POTEF: variants seen among roughly 807,000 people sequenced by gnomAD.
POTEF encodes the protein ANKRD26-like family C member 1B.
Under a neutral mutation model 83.2 loss-of-function variants are expected in POTEF, and 20 were observed. That is an observed-to-expected ratio of 0.24 (90% CI 0.17 to 0.35). POTEF has a LOEUF of 0.35. POTEF is among the 10% of genes least tolerant of loss of function. The pLI is 1.00. For missense variants in POTEF, 550 were observed against 1,203.2 expected (o/e 0.46, Z 8.03); for synonymous variants, 196 against 446.4 (o/e 0.44, Z 7.07).
At position 130,075,404 on chromosome 2, in the gene POTEF, G is replaced by A; in HGVS notation, c.2068C>T (p.Leu690Phe). The change falls in exon 17 of 17, where the codon CTT (leucine) becomes TTT (phenylalanine). Residue 690 changes from leucine (L) to phenylalanine (F), a missense_variant. Coordinates refer to ENST00000409914, the MANE Select transcript of POTEF (RefSeq NM_001099771.2). ...TCATTCAATTGTAGAGCCTTTAAAA[G>A]ATTATCATTCCTTTTTTTCACACTT... ...IESVKKRNDN[L>F]LKALQLNELT... The A allele has an allele frequency of 1.2e-6, 2 of 1,611,640 alleles. No individual in the cohort carries two copies. The highest frequency in any genetic ancestry group is 1.7e-6 in the Non-Finnish European group (2 of 1,179,724).
Position 130,109,124 on chromosome 2 carries a change from G to T in POTEF, c.1056-1045C>A, listed in dbSNP as rs192405141. On this transcript the variant is annotated intron_variant, in intron 7 of 16. Coordinates refer to ENST00000409914, the MANE Select transcript of POTEF (RefSeq NM_001099771.2). ...CAAATCACAATTTCAATATTTGGGTGGCACCCATTTTGCTTTGATTCACAC... is the reference window on the plus strand; with the variant it reads ...CAAATCACAATTTCAATATTTGGGTTGCACCCATTTTGCTTTGATTCACAC... The T allele has an allele frequency of 1.1e-4, 17 of 151,168 alleles. 1 individual carries two copies. The highest frequency in any genetic ancestry group is 3.9e-4 in the African/African-American group (16 of 40,682). 9.4% of individuals were successfully genotyped at this position (151,168 alleles called of 1,614,324 possible).
intron 15 of POTEF, among the ~76,000 whole-genome samples, chr2:130,077,418 G>A (rs1164857484): frequency 2.0e-5 from 3 of 152,232 alleles, no homozygotes; most frequent in African/African-American, 7.2e-5. Context: ...ACCTGAGGTG[G>A]GGGATGGTTC....
chr2:130,113,785 T>A (rs1343123704), intron 5 of POTEF, among the ~76,000 whole-genome samples: 1 of 151,536 alleles, frequency 6.6e-6, no homozygotes, highest in Non-Finnish European at 1.5e-5. Context: ...GATGCACAAT[T>A]CTAGCTGAAA....
intron 1 of POTEF, among the ~76,000 whole-genome samples, chr2:130,128,151 C>T (rs1232131289): frequency 6.7e-6 from 1 of 148,232 alleles, no homozygotes; most frequent in African/African-American, 2.6e-5. Flanking sequence ...CACTCAACTG[C>T]TGGTTCCCAT....
At chr2:130,077,439 C>T (rs1272001101) in intron 15 of POTEF, among the ~76,000 whole-genome samples, 2 of 152,170 alleles carry the variant, frequency 1.3e-5, no homozygotes, top group African/African-American at 4.8e-5. Context: ...CAGGATGATT[C>T]AAGTATATTA....
chr2:130,117,126 G>C (rs146524702), intron 3 of POTEF, among the ~76,000 whole-genome samples: 1 of 151,594 alleles, frequency 6.6e-6, no homozygotes, highest in African/African-American at 2.4e-5. Context: ...ACTTACATTT[G>C]CTATTTTAAT....
Position 130,112,943 on chromosome 2 carries a change from A to G in POTEF, c.811-842T>C, listed in dbSNP as rs1368110798. On this transcript the variant is annotated intron_variant, in intron 5 of 16. Transcript: ENST00000409914. ...CAAAATCCTGAGAGGGCCATCCTCT[A>G]CTTATTGAAAGACTACTCACAGCAA... Among the ~76,000 whole-genome samples, 3 of 152,032 alleles carry G rather than the reference A, an allele frequency of 2.0e-5. 1 individual carries two copies. Among genetic ancestry groups the G allele is most frequent in the African/African-American group, 7.3e-5 (3 of 41,250 alleles).
chr2:130,114,587 G>A (rs1471196833), intron 5 of POTEF, among the ~76,000 whole-genome samples: 1 of 145,286 alleles, frequency 6.9e-6, no homozygotes, highest in Non-Finnish European at 1.5e-5. Flanking sequence ...ATTCAATAGG[G>A]AAAAAACATC....
chr2:130,109,905 A>T lies in POTEF; in HGVS notation c.1055+638T>A, dbSNP rs1380981238. Reference sequence around the variant, plus strand: ...CTCTGGGAACAATGGCTGAGCATATAAGCATAGGTATGGGAATTAAAAAAC... The same window carrying T: ...CTCTGGGAACAATGGCTGAGCATATTAGCATAGGTATGGGAATTAAAAAAC... On this transcript the variant is annotated intron_variant, in intron 7 of 16. Coordinates refer to ENST00000409914, the MANE Select transcript of POTEF (RefSeq NM_001099771.2). Among the ~76,000 whole-genome samples, 3 of 151,322 alleles carry T rather than the reference A, an allele frequency of 2.0e-5. 1 individual carries two copies. The highest frequency in any genetic ancestry group is 7.4e-5 in the African/African-American group (3 of 40,738).
In POTEF at chr2:130,120,166, A is replaced by C. The variant is rs769123910; in HGVS notation, c.350T>G (p.Val117Gly). ...PCCRGSSKSK[V>G]GAWGDYDDSA... ...GTCATCGTAGTCTCCCCAAGCGCCCACCTTGCTCTTGCTGCTCCCCCTGCA... is the reference window on the plus strand; with the variant it reads ...GTCATCGTAGTCTCCCCAAGCGCCCCCCTTGCTCTTGCTGCTCCCCCTGCA... The change falls in exon 3 of 17, where the codon GTG (valine) becomes GGG (glycine). Residue 117 changes from valine to glycine, a missense_variant. Physicochemically the swap from Val to Gly is moderately radical, Grantham distance 109. Transcript: ENST00000409914. 1 of 1,608,980 alleles carries C rather than the reference A, an allele frequency of 6.2e-7. No individual in the cohort carries two copies. Among genetic ancestry groups the C allele is most frequent in the Admixed American group, 1.7e-5 (1 of 59,562 alleles).
At chr2:130,116,250 G>A (rs1161227704) in intron 3 of POTEF, among the ~76,000 whole-genome samples, 1 of 151,180 alleles carries the variant, frequency 6.6e-6, no homozygotes, top group Non-Finnish European at 1.5e-5. Flanking sequence ...TACAATGTAT[G>A]TACATCAGAT....
chr2:130,100,969 C>A (rs1573602660), intron 9 of POTEF, among the ~76,000 whole-genome samples: 3 of 148,888 alleles, frequency 2.0e-5, no homozygotes, highest in East Asian at 3.9e-4. Context: ...AAATAATTCA[C>A]CTTAGCCCAA....
At chr2:130,098,360 C>A (rs1237626417) in intron 11 of POTEF, among the ~76,000 whole-genome samples, 3 of 149,334 alleles carry the variant, frequency 2.0e-5, no homozygotes, top group African/African-American at 7.5e-5. Context: ...AATACAGATC[C>A]CCATGTACAA....
intron 3 of POTEF, among the ~76,000 whole-genome samples, chr2:130,115,585 T>C (rs1349282292): frequency 2.6e-5 from 4 of 152,154 alleles, no homozygotes; most frequent in Admixed American, 2.6e-4. Flanking sequence ...CTTGAAGCTC[T>C]GTCACTTCCT....
intron 6 of POTEF, among the ~76,000 whole-genome samples, chr2:130,111,550 T>G (rs1216865681): frequency 6.6e-6 from 1 of 151,688 alleles, no homozygotes; most frequent in Non-Finnish European, 1.5e-5. Context: ...AGAAAGCAAC[T>G]TAAAGCAAAG....
At chr2:130,103,261 C>A (rs767375777) in intron 8 of POTEF, among the ~76,000 whole-genome samples, 18 of 149,936 alleles carry the variant, frequency 1.2e-4, no homozygotes, top group Non-Finnish European at 1.6e-4. Context: ...TACCATCATG[C>A]CCAGCTAATT....
chr2:130,103,775 G>A (rs1460600051), intron 8 of POTEF, among the ~76,000 whole-genome samples: 1 of 144,380 alleles, frequency 6.9e-6, no homozygotes, highest in Non-Finnish European at 1.5e-5. Context: ...GGGGTAGAGG[G>A]CAGGAAAGGG....
chr2:130,112,989 C>T (rs3990527), intron 5 of POTEF, among the ~76,000 whole-genome samples: 9 of 151,792 alleles, frequency 5.9e-5, no homozygotes, highest in East Asian at 1.9e-4. Context: ...ACCTTCTGAA[C>T]GGCAGTGAAT....
rs769359812 is a variant in POTEF, at chr2:130,075,555, C to T, written c.1917G>A (p.Lys639=). The part of the protein sequence containing the change: ...KMNSELSLSC[K]KEKDILHENS... ...TTTCATGCAAGATGTCTTTTTCTTT[C>T]TTACAACTAAGAGAAAGCTAAGTAA... Residue 639 remains lysine (K), a synonymous_variant, in exon 17 of 17, where the codon AAG becomes AAA. Transcript: ENST00000409914. 4 of 1,610,338 alleles carry T rather than the reference C, an allele frequency of 2.5e-6. No homozygotes were observed. The East Asian group carries it at 6.7e-5, about 27-fold the overall frequency.
Sources: gnomAD v4.1 joint callset for allele counts (sites outside exome capture counted in the v4.1 genomes callset) on GRCh38, gnomAD v4.1.1 for gene constraint, MANE v1.5 for transcripts, NCBI Gene and HGNC (gene_info 2026-07-23, HGNC 2026-07-21) for gene names.